The following PAK1 variants were observed in gnomAD, a reference collection of about 807,000 sequenced individuals.
The protein encoded by PAK1 is serine/threonine-protein kinase PAK 1.
PAK1 carries 29 observed loss-of-function variants against 67.4 expected under a neutral mutation model. The ratio of observed to expected loss-of-function variants is 0.43; its 90% CI spans 0.32 to 0.59. The LOEUF (loss-of-function observed/expected upper bound fraction) is 0.59, where lower values mean the gene tolerates loss of function less well. PAK1 is among the 20% of genes least tolerant of loss of function. The probability of loss-of-function intolerance (pLI) is 0.07; values close to 1 mark genes in which losing one functional copy is unlikely to be tolerated. For synonymous variants in PAK1, 223 were observed against 237.4 expected (o/e 0.94, Z 0.56); for missense variants, 337 against 670.7 (o/e 0.50, Z 5.50).
At chr11:77,377,435 C>T (rs945686041) in intron 4 of PAK1, among the ~76,000 whole-genome samples, 3 of 152,088 alleles carry the variant, frequency 2.0e-5, no homozygotes, top group Admixed American at 2.0e-4. Flanking sequence ...AAAATTCTTG[C>T]ATACATATAT....
intron 1 of PAK1, among the ~76,000 whole-genome samples, chr11:77,429,327 A>G (rs1955750877): frequency 6.6e-6 from 1 of 152,186 alleles, no homozygotes; most frequent in African/African-American, 2.4e-5. Context: ...AAATGAGTCC[A>G]TACTGATATA....
At chr11:77,426,841 TA>T (rs66931592) in intron 1 of PAK1, among the ~76,000 whole-genome samples, 34,418 of 128,162 alleles carry the variant, frequency 0.27, 4,559 homozygotes, top group Non-Finnish European at 0.33. Context: ...GAGCAATCTT[TA>T]AAAAAAAAAA....
upstream of PAK1, chr11:77,475,264 G>C (rs763789079): frequency 3.9e-5 from 6 of 152,168 alleles, no homozygotes; most frequent in African/African-American, 1.4e-4. Flanking sequence ...ACCAAGTCTT[G>C]TAGCTTCTCC....
intron 1 of PAK1, among the ~76,000 whole-genome samples, chr11:77,442,527 G>C (rs778025053): frequency 3.3e-5 from 5 of 152,106 alleles, no homozygotes; most frequent in Non-Finnish European, 7.4e-5. Flanking sequence ...TGAACGGCAT[G>C]AGTGAACTTG....
intron 12 of PAK1, 76 bp downstream of exon 12, chr11:77,337,248 T>C (rs1234797756): frequency 1.5e-6 from 1 of 688,526 alleles, no homozygotes; most frequent in Non-Finnish European, 2.6e-6. Flanking sequence ...GTAGTTACTA[T>C]TATATGATGA....
intron 1 of PAK1, chr11:77,473,310 C>G (rs1253161620): frequency 2.0e-5 from 3 of 152,468 alleles, no homozygotes; most frequent in Admixed American, 6.5e-5. Flanking sequence ...CTCGAATCGC[C>G]CGGCGTCTGA....
At chr11:77,516,778 G>A in the PAK1 span, among the ~76,000 whole-genome samples, 1 of 150,600 alleles carries the variant, frequency 6.6e-6, no homozygotes. Flanking sequence ...TGAGGTGAGG[G>A]GATCAGCTGA....
the PAK1 span, among the ~76,000 whole-genome samples, chr11:77,488,746 G>C: frequency 6.6e-6 from 1 of 151,772 alleles, no homozygotes; most frequent in Non-Finnish European, 1.5e-5. Flanking sequence ...AATAGTCAAA[G>C]GAGACAAAAG....
At chr11:77,348,420 A>C (rs1343800733) in intron 9 of PAK1, among the ~76,000 whole-genome samples, 1 of 152,228 alleles carries the variant, frequency 6.6e-6, no homozygotes, top group Non-Finnish European at 1.5e-5. Context: ...AGCAGGCTTT[A>C]GCTATAGTTC....
intron 1 of PAK1, among the ~76,000 whole-genome samples, chr11:77,395,525 C>T (rs951702934): frequency 2.0e-5 from 3 of 152,136 alleles, no homozygotes; most frequent in Non-Finnish European, 4.4e-5. Context: ...CTAGACACAG[C>T]CTAATTCAAA....
chr11:77,413,111 C>T (rs188632784), intron 1 of PAK1, among the ~76,000 whole-genome samples: 4 of 152,286 alleles, frequency 2.6e-5, no homozygotes, highest in East Asian at 1.9e-4. Context: ...TCAGATTATG[C>T]GGTGTCTCTT....
intron 1 of PAK1, among the ~76,000 whole-genome samples, chr11:77,465,361 A>G (rs1957548914): frequency 6.6e-6 from 1 of 152,136 alleles, no homozygotes; most frequent in Admixed American, 6.5e-5. Flanking sequence ...TATGATGGCT[A>G]AAGAACAGAA....
At chr11:77,375,680 A>G (rs898893382) in intron 4 of PAK1, among the ~76,000 whole-genome samples, 2 of 152,234 alleles carry the variant, frequency 1.3e-5, no homozygotes, top group South Asian at 2.1e-4. Context: ...TAAAATTTGA[A>G]AGAGAGACCC....
At chr11:77,461,233 A>T (rs1390150929) in intron 1 of PAK1, among the ~76,000 whole-genome samples, 1 of 152,228 alleles carries the variant, frequency 6.6e-6, no homozygotes, top group Non-Finnish European at 1.5e-5. Flanking sequence ...ATAGGAAAAG[A>T]AAAACCTAAA....
intron 7 of PAK1, among the ~76,000 whole-genome samples, chr11:77,354,742 A>AACT (rs1945772550): frequency 6.6e-6 from 1 of 152,190 alleles, no homozygotes; most frequent in Non-Finnish European, 1.5e-5. Context: ...AATCAGGAAG[A>AACT]ACTAGAGAAC....
chr11:77,477,567 C>CCAAAAAAAAA (rs1424634685), upstream of PAK1, among the ~76,000 whole-genome samples: 141 of 84,164 alleles, frequency 1.7e-3, 4 homozygotes, highest in African/African-American at 8.4e-3. Context: ...ACCATCTCTA[C>CCAAAAAAAAA]AAAAAAAAAA....
At chr11:77,475,468 A>C (rs1958046979), upstream of PAK1, 1 of 152,214 alleles carries the variant, frequency 6.6e-6, no homozygotes, top group Admixed American at 6.5e-5. Flanking sequence ...ATAAAGTTCA[A>C]ACTCCTGAAC....
At chr11:77,326,274 C>T (rs759345435) in intron 14 of PAK1, among the ~76,000 whole-genome samples, 10 of 152,154 alleles carry the variant, frequency 6.6e-5, no homozygotes, top group African/African-American at 1.7e-4. Flanking sequence ...CCCCTGACTC[C>T]GGGTTTCCCC....
intron 10 of PAK1, among the ~76,000 whole-genome samples, chr11:77,341,472 A>G (rs1415173659): frequency 6.6e-6 from 1 of 152,250 alleles, no homozygotes; most frequent in East Asian, 1.9e-4. Flanking sequence ...GCCTTCTGAT[A>G]AGCCAAGACT....
Sources: gnomAD v4.1 joint callset for allele counts (sites outside exome capture counted in the v4.1 genomes callset) on GRCh38, gnomAD v4.1.1 for gene constraint, MANE v1.5 for transcripts, NCBI Gene and HGNC (gene_info 2026-07-23, HGNC 2026-07-21) for gene names.